Variants in KCNH7 observed in about 807,000 individuals in gnomAD.
The protein encoded by KCNH7 is voltage-gated inwardly rectifying potassium channel KCNH7.
In KCNH7, 49 loss-of-function variants were observed where a neutral mutation model predicts 120.8. The observed-to-expected ratio is 0.41, with a 90% CI of 0.32 to 0.51. KCNH7 has a LOEUF of 0.51. Ranked by LOEUF, KCNH7 falls within the 20% of genes least tolerant of loss-of-function variation. The pLI is 0.38. For missense variants in KCNH7, 1,097 were observed against 1,446.6 expected, an observed-to-expected ratio of 0.76 and a Z score of 3.92; for synonymous variants, 547 against 516.1, an observed-to-expected ratio of 1.06 and a Z score of -0.81.
chr2:162,658,213 C>T (rs1033507261), intron 2 of KCNH7, among the ~76,000 whole-genome samples: 3 of 151,760 alleles, frequency 2.0e-5, no homozygotes, highest in Admixed American at 6.6e-5. Flanking sequence ...TTTGTGTGGA[C>T]ATCCAGTTTG....
rs565330006 is a variant in KCNH7, at chr2:162,450,428, C to T, written c.1129-3985G>A. Among the ~76,000 whole-genome samples, 89 of 152,090 alleles carry T rather than the reference C, an allele frequency of 5.9e-4. No individual in the cohort carries two copies. In the South Asian group the frequency reaches 0.018, roughly 30 times the overall value. On this transcript the variant is annotated intron_variant, in intron 6 of 15. Coordinates refer to ENST00000332142, the MANE Select transcript of KCNH7 (RefSeq NM_033272.4). ...TTCTTTTGATTTCTGCATCATTATG[C>T]ATGTTTTATGTGACCGTTTAATTGT...
At chr2:162,382,892 A>G (rs1382134648) in intron 13 of KCNH7, among the ~76,000 whole-genome samples, 2 of 152,056 alleles carry the variant, frequency 1.3e-5, no homozygotes, top group Admixed American at 1.3e-4. Context: ...TATGATATCA[A>G]TTCAATTGAC....
chr2:162,781,886 A>G (rs1351020909), intron 2 of KCNH7, among the ~76,000 whole-genome samples: 1 of 152,230 alleles, frequency 6.6e-6, no homozygotes, highest in Non-Finnish European at 1.5e-5. Flanking sequence ...CACAAAAGAA[A>G]TTATGAAGCT....
intron 2 of KCNH7, among the ~76,000 whole-genome samples, chr2:162,574,765 A>C (rs1362811413): frequency 2.0e-5 from 3 of 152,104 alleles, no homozygotes; most frequent in Non-Finnish European, 4.4e-5. Context: ...GTGGTGGCAG[A>C]GAAGCCACAG....
chr2:162,435,504 C>G lies in KCNH7; in HGVS notation c.1648G>C (p.Ala550Pro), dbSNP rs1688204071. 1 of 1,613,636 alleles carries G rather than the reference C, an allele frequency of 6.2e-7. No homozygotes were observed. Among genetic ancestry groups the G allele is most frequent in the Non-Finnish European group, 8.5e-7 (1 of 1,179,836 alleles). ...ATGCACATTAAGAGCATTAGAACAG[C>G]AGCGCCATATTCTGAATATCGATCC... is the stretch of plus-strand genomic sequence containing the variant. ...KLDRYSEYGA[A>P]VLMLLMCIFA... is the part of the protein sequence containing the mutation. Residue 550 changes from alanine to proline, a missense_variant, in exon 8 of 16, where the codon GCT becomes CCT. Physicochemically the swap from Ala to Pro is conservative, Grantham distance 27. Around this residue, in one of 8 missense-constraint regions of KCNH7, gnomAD observed 109 missense variants for 196.8 expected, o/e 0.55. Transcript: ENST00000332142.
intron 2 of KCNH7, among the ~76,000 whole-genome samples, chr2:162,590,640 G>A (rs550970587): frequency 6.6e-5 from 10 of 152,140 alleles, no homozygotes; most frequent in Admixed American, 6.5e-4. Flanking sequence ...CAAATTATCA[G>A]CACAAAGTCC....
intron 2 of KCNH7, among the ~76,000 whole-genome samples, chr2:162,757,349 C>A (rs1559118654): frequency 6.6e-6 from 1 of 152,100 alleles, no homozygotes. Context: ...AAAGCAGCTG[C>A]TTTTACTGAC....
intron 2 of KCNH7, among the ~76,000 whole-genome samples, chr2:162,740,037 A>T (rs548839862): frequency 3.4e-4 from 52 of 152,280 alleles, no homozygotes; most frequent in Non-Finnish European, 5.6e-4. Context: ...GAAGTAACAG[A>T]CAGGTGTGAC....
chr2:162,581,753 A>G (rs1368870247), intron 2 of KCNH7, among the ~76,000 whole-genome samples: 1 of 152,104 alleles, frequency 6.6e-6, no homozygotes, highest in Non-Finnish European at 1.5e-5. Flanking sequence ...ATGTGATATC[A>G]AATGCCAGGA....
At chr2:162,816,583 CA>C (rs1451817112) in intron 2 of KCNH7, among the ~76,000 whole-genome samples, 76 of 152,154 alleles carry the variant, frequency 5.0e-4, no homozygotes, top group African/African-American at 1.8e-3. Context: ...GAATTAAATG[CA>C]ATTAGTTTAG....
intron 2 of KCNH7, among the ~76,000 whole-genome samples, chr2:162,765,111 A>G (rs1248615022): frequency 6.6e-6 from 1 of 152,098 alleles, no homozygotes; most frequent in Non-Finnish European, 1.5e-5. Flanking sequence ...AAAACAGAAG[A>G]TCAAGCTGCT....
At chr2:162,401,182 A>G (rs1687055146) in intron 9 of KCNH7, among the ~76,000 whole-genome samples, 1 of 151,934 alleles carries the variant, frequency 6.6e-6, no homozygotes, top group African/African-American at 2.4e-5. Flanking sequence ...CTTGTTGAAC[A>G]GATTAAACAA....
intron 2 of KCNH7, among the ~76,000 whole-genome samples, chr2:162,604,048 C>A (rs1694649580): frequency 6.6e-6 from 1 of 151,948 alleles, no homozygotes; most frequent in Admixed American, 6.6e-5. Context: ...AATATGTTAC[C>A]AGCAAACACA....
At chr2:162,741,675 G>T (rs1225154413) in intron 2 of KCNH7, among the ~76,000 whole-genome samples, 2 of 151,970 alleles carry the variant, frequency 1.3e-5, no homozygotes, top group Non-Finnish European at 2.9e-5. Flanking sequence ...TAAGAAATAT[G>T]AATAACTAGC....
intron 2 of KCNH7, among the ~76,000 whole-genome samples, chr2:162,655,572 G>A (rs1174741778): frequency 6.6e-6 from 1 of 151,854 alleles, no homozygotes; most frequent in Non-Finnish European, 1.5e-5. Flanking sequence ...GGATCACGAG[G>A]TCAAGAGATC....
intron 2 of KCNH7, among the ~76,000 whole-genome samples, chr2:162,813,588 C>G (rs1684809975): frequency 6.6e-6 from 1 of 152,202 alleles, no homozygotes; most frequent in Non-Finnish European, 1.5e-5. Flanking sequence ...TTTTTATCCA[C>G]TATCAACCAC....
At chr2:162,720,299 TAAAAA>T (rs59618789) in intron 2 of KCNH7, among the ~76,000 whole-genome samples, 15,723 of 97,172 alleles carry the variant, frequency 0.16, 1,065 homozygotes, top group East Asian at 0.35. Flanking sequence ...GATGTGTGAT[TAAAAA>T]AAAAAAAAAA....
intron 2 of KCNH7, among the ~76,000 whole-genome samples, chr2:162,617,339 CGTG>C (rs1188457351): frequency 2.0e-5 from 3 of 151,940 alleles, no homozygotes; most frequent in African/African-American, 7.3e-5. Context: ...ATTAGCCGGG[CGTG>C]GTGGCGGGCG....
intron 2 of KCNH7, among the ~76,000 whole-genome samples, chr2:162,588,970 T>C (rs535048135): frequency 6.6e-6 from 1 of 152,218 alleles, no homozygotes; most frequent in South Asian, 2.1e-4. Context: ...ACAGCCTGGC[T>C]AACCAGGAGC....
Sources: gnomAD v4.1 joint callset for allele counts (sites outside exome capture counted in the v4.1 genomes callset) on GRCh38, gnomAD v4.1.1 for gene constraint, gnomAD v4.1.1 regional missense constraint, MANE v1.5 for transcripts, NCBI Gene and HGNC (gene_info 2026-07-23, HGNC 2026-07-21) for gene names.